The following SRP9 variants were observed in gnomAD, a reference collection of about 807,000 sequenced individuals.
The protein encoded by SRP9 is signal recognition particle 9.
SRP9 carries 2 observed loss-of-function variants against 11.7 expected under a neutral mutation model. The ratio of observed to expected loss-of-function variants is 0.17; its 90% CI spans 0.07 to 0.54. The LOEUF is 0.54. Ranked by LOEUF, SRP9 falls within the 20% of genes least tolerant of loss-of-function variation. The pLI is 0.94. For missense variants in SRP9, 54 were observed against 108.1 expected, an observed-to-expected ratio of 0.50 and a Z score of 2.22; for synonymous variants, 27 against 35.6, an observed-to-expected ratio of 0.76 and a Z score of 0.86.
intron 2 of SRP9, among the ~76,000 whole-genome samples, chr1:225,787,661 T>C (rs1010700568): frequency 2.6e-5 from 4 of 152,242 alleles, no homozygotes; most frequent in East Asian, 1.9e-4. Flanking sequence ...ACTTCGACTT[T>C]TTTATAATCC....
chr1:225,788,232 T>TA (rs1559006777), intron 2 of SRP9, among the ~76,000 whole-genome samples: 1 of 151,974 alleles, frequency 6.6e-6, no homozygotes, highest in East Asian at 1.9e-4. Context: ...CCGTCTCTAC[T>TA]AAAAATAGAA....
At chr1:225,786,603 G>A (rs1665921324) in intron 2 of SRP9, among the ~76,000 whole-genome samples, 1 of 152,216 alleles carries the variant, frequency 6.6e-6, no homozygotes, top group Admixed American at 6.5e-5. Flanking sequence ...AAAAGGAAGA[G>A]TGAATCGAGA....
intron 1 of SRP9, among the ~76,000 whole-genome samples, chr1:225,782,293 A>C (rs570231295): frequency 6.6e-6 from 1 of 152,062 alleles, no homozygotes; most frequent in African/African-American, 2.4e-5. Context: ...CCTCCCGATT[A>C]GCTGGGACTG....
At chr1:225,780,178 ATTT>A (rs67816765) in intron 1 of SRP9, among the ~76,000 whole-genome samples, 5,676 of 130,034 alleles carry the variant, frequency 0.044, 241 homozygotes, top group African/African-American at 0.094. Context: ...TGCCTGCCTA[ATTT>A]TTTTTTTTTT....
rs1297955504 is a variant in SRP9, at chr1:225,789,291, T to C, written c.193T>C (p.Phe65Leu). The stretch of plus-strand genomic sequence containing the variant: ...TCAAGATGTAAAGAAGATTGAGAAA[T>C]TCCACAGTCAACTAATGCGACTTAT... ...QAQDVKKIEK[F>L]HSQLMRLMVA... The change falls in exon 3 of 3, where the codon TTC becomes CTC. Residue 65 changes from phenylalanine to leucine, a missense_variant. Physicochemically the swap from Phe to Leu is conservative, Grantham distance 22 (BLOSUM62 0). Coordinates refer to ENST00000304786, the MANE Select transcript of SRP9 (RefSeq NM_003133.6). The C allele has an allele frequency of 1.2e-6, 2 of 1,608,888 alleles. No individual in the cohort carries two copies. The highest frequency in any genetic ancestry group is 2.2e-5 in the East Asian group (1 of 44,836).
chr1:225,783,692 T>C (rs1006213175), intron 2 of SRP9, among the ~76,000 whole-genome samples: 1 of 152,228 alleles, frequency 6.6e-6, no homozygotes, highest in Non-Finnish European at 1.5e-5. Flanking sequence ...CTTACAGGCT[T>C]TATTGTATTT....
chr1:225,782,693 C>G (rs1202000568), intron 1 of SRP9, among the ~76,000 whole-genome samples: 1 of 152,140 alleles, frequency 6.6e-6, no homozygotes, highest in African/African-American at 2.4e-5. Flanking sequence ...AGGAGTTATT[C>G]TGGTTTTTGG....
At chr1:225,783,542 T>C (rs1665839248) in intron 2 of SRP9, among the ~76,000 whole-genome samples, 174 bp downstream of exon 2, 1 of 152,228 alleles carries the variant, frequency 6.6e-6, no homozygotes, top group South Asian at 2.1e-4. Flanking sequence ...CTCAGGAAAT[T>C]ATTTAACCTG....
chr1:225,789,264 G>A lies in SRP9; in HGVS notation c.166G>A (p.Ala56Thr). 6.2e-7 allele frequency: 1 copy of A among 1,610,768 alleles called. No homozygotes were observed. The highest frequency in any genetic ancestry group is 1.7e-5 in the Admixed American group (1 of 59,286). The change falls in exon 3 of 3, where the codon GCT (alanine) becomes ACT (threonine). Residue 56 changes from alanine to threonine, a missense_variant. By Grantham distance (58) the Ala-to-Thr change is moderately conservative. Transcript: ENST00000304786. ...GTGTTTGGTGTATAAAACAGACCAAGCTCAAGATGTAAAGAAGATTGAGAA... is the reference window on the plus strand; with the variant it reads ...GTGTTTGGTGTATAAAACAGACCAAACTCAAGATGTAAAGAAGATTGAGAA... ...LVCLVYKTDQ[A>T]QDVKKIEKFH...
chr1:225,780,497 T>C (rs1030154484), intron 1 of SRP9, among the ~76,000 whole-genome samples: 1 of 152,204 alleles, frequency 6.6e-6, no homozygotes, highest in Non-Finnish European at 1.5e-5. Context: ...TACATATGTT[T>C]ATATGTTACA....
At chr1:225,785,304 C>T (rs1157781077) in intron 2 of SRP9, among the ~76,000 whole-genome samples, 1 of 146,686 alleles carries the variant, frequency 6.8e-6, no homozygotes, top group East Asian at 2.1e-4. Context: ...GTCTCCATCT[C>T]TTTACCTCAT....
intron 2 of SRP9, among the ~76,000 whole-genome samples, chr1:225,786,284 T>C (rs1665908954): frequency 6.6e-6 from 1 of 152,248 alleles, no homozygotes; most frequent in Admixed American, 6.5e-5. Context: ...ACAATTCTTT[T>C]ATCACATTTG....
intron 2 of SRP9, 29 bp downstream of exon 2, chr1:225,783,397 C>CTTTT: frequency 1.3e-6 from 2 of 1,526,002 alleles, no homozygotes; most frequent in Non-Finnish European, 1.8e-6. Flanking sequence ...TTGTTACATA[C>CTTTT]TTTCAGATTT....
chr1:225,778,421 C>T (rs1018491523), intron 1 of SRP9, among the ~76,000 whole-genome samples: 26 of 152,226 alleles, frequency 1.7e-4, no homozygotes, highest in African/African-American at 4.8e-4. Context: ...GTTTTTTCTA[C>T]TACCGCTCAG....
At chr1:225,782,200 T>A in intron 1 of SRP9, among the ~76,000 whole-genome samples, 1 of 152,118 alleles carries the variant, frequency 6.6e-6, no homozygotes, top group Non-Finnish European at 1.5e-5. Flanking sequence ...AGTCTCGCTC[T>A]GTCCCCAGGC....
intron 1 of SRP9, among the ~76,000 whole-genome samples, chr1:225,781,581 G>T (rs1246322286): frequency 6.6e-6 from 1 of 151,738 alleles, no homozygotes; most frequent in Non-Finnish European, 1.5e-5. Context: ...TGTATTTTTA[G>T]TAGAGACGGG....
In SRP9 at chr1:225,789,555, A is replaced by G. The variant is rs904104097; in HGVS notation, c.*196A>G. ...GTTTTCAGTTAGAAAGCCTTTATTT[A>G]CTTTTGGAAATTGAACAAGAAATGC... On this transcript the variant is annotated 3_prime_UTR_variant, in exon 3 of 3. Coordinates refer to ENST00000304786, the MANE Select transcript of SRP9 (RefSeq NM_003133.6). The G allele has an allele frequency of 4.2e-6, 2 of 472,020 alleles. No homozygotes were observed. Among genetic ancestry groups the G allele is most frequent in the South Asian group, 5.4e-5 (1 of 18,544 alleles). 29.2% of individuals were successfully genotyped at this position (472,020 alleles called of 1,614,324 possible).
intron 1 of SRP9, among the ~76,000 whole-genome samples, chr1:225,778,601 T>C (rs1222684103): frequency 6.6e-6 from 1 of 152,216 alleles, no homozygotes; most frequent in Non-Finnish European, 1.5e-5. Context: ...TTTTAAGGGA[T>C]TCATGGACCT....
intron 2 of SRP9, among the ~76,000 whole-genome samples, chr1:225,785,943 C>G (rs1665901546): frequency 6.6e-6 from 1 of 152,238 alleles, no homozygotes. Context: ...ACCTCGGCCT[C>G]CCAAAGTGCT....
Sources: allele counts gnomAD v4.1 joint callset (sites outside exome capture counted in the v4.1 genomes callset), GRCh38; gene constraint gnomAD v4.1.1; transcripts MANE v1.5; gene names NCBI Gene and HGNC (gene_info 2026-07-23, HGNC 2026-07-21).